GRIA4: variants seen among roughly 807,000 people sequenced by gnomAD.
The protein encoded by GRIA4 is glutamate ionotropic receptor AMPA type subunit 4, also known as glutamate receptor 4.
Under a neutral mutation model 104.0 loss-of-function variants are expected in GRIA4, and 34 were observed. The observed-to-expected ratio is 0.33, with a 90% CI of 0.25 to 0.44. The LOEUF is 0.44. Among genes scored for constraint, GRIA4 ranks in the 20% least tolerant of loss-of-function variants. The pLI is 1.00. For missense variants in GRIA4, 750 were observed against 1,096.5 expected (o/e 0.68, Z 4.46); for synonymous variants, 386 against 381.9 (o/e 1.01, Z -0.13).
At chr11:105,836,116 T>C (rs933291282) in intron 4 of GRIA4, among the ~76,000 whole-genome samples, 2 of 152,072 alleles carry the variant, frequency 1.3e-5, no homozygotes, top group African/African-American at 2.4e-5. Flanking sequence ...CTGGTAGAAA[T>C]AGGCTCTTAG....
At chr11:105,786,072 G>T (rs1310799360) in intron 4 of GRIA4, among the ~76,000 whole-genome samples, 1 of 150,652 alleles carries the variant, frequency 6.6e-6, no homozygotes, top group East Asian at 2.0e-4. Flanking sequence ...TTGACCCCGG[G>T]AGGTGGAGGT....
At chr11:105,629,901 A>G (rs891740785) in intron 3 of GRIA4, among the ~76,000 whole-genome samples, 1 of 152,216 alleles carries the variant, frequency 6.6e-6, no homozygotes, top group Non-Finnish European at 1.5e-5. Context: ...TCATCATTAC[A>G]TTTGCTTACT....
chr11:105,876,378 A>G (rs1342787924), intron 5 of GRIA4, among the ~76,000 whole-genome samples: 1 of 152,148 alleles, frequency 6.6e-6, no homozygotes, highest in African/African-American at 2.4e-5. Flanking sequence ...TGCTGAGAAG[A>G]ATGTATATTC....
chr11:105,724,845 C>T (rs1307209358), intron 3 of GRIA4, among the ~76,000 whole-genome samples: 1 of 152,040 alleles, frequency 6.6e-6, no homozygotes, highest in Non-Finnish European at 1.5e-5. Context: ...ATATTTTTCT[C>T]TTCTGGGTTG....
intron 14 of GRIA4, among the ~76,000 whole-genome samples, chr11:105,955,051 G>A (rs535956179): frequency 6.6e-6 from 1 of 151,672 alleles, no homozygotes; most frequent in South Asian, 2.1e-4. Context: ...TTGCTCTAAG[G>A]GGAATTATTT....
At chr11:105,978,555 T>A (rs1345815391) in intron 16 of GRIA4, among the ~76,000 whole-genome samples, 1 of 152,140 alleles carries the variant, frequency 6.6e-6, no homozygotes, top group African/African-American at 2.4e-5. Context: ...ATTTCATTAC[T>A]TAATATATAA....
chr11:105,810,616 A>G (rs531922572), intron 4 of GRIA4, among the ~76,000 whole-genome samples: 1 of 152,318 alleles, frequency 6.6e-6, no homozygotes, highest in East Asian at 1.9e-4. Flanking sequence ...ATGATGGGTT[A>G]GGGGGAAAAG....
intron 4 of GRIA4, among the ~76,000 whole-genome samples, chr11:105,820,703 TG>T (rs780166240): frequency 1.3e-5 from 2 of 152,146 alleles, no homozygotes; most frequent in African/African-American, 2.4e-5. Flanking sequence ...CTCTAATTTT[TG>T]TTTGTAGGTG....
intron 3 of GRIA4, among the ~76,000 whole-genome samples, chr11:105,680,686 G>A (rs1952681359): frequency 6.6e-6 from 1 of 152,100 alleles, no homozygotes; most frequent in South Asian, 2.1e-4. Context: ...AGGTTAAGAA[G>A]TGACTCAATT....
intron 7 of GRIA4, among the ~76,000 whole-genome samples, chr11:105,901,050 T>C (rs1183220980): frequency 6.6e-6 from 1 of 152,150 alleles, no homozygotes; most frequent in Non-Finnish European, 1.5e-5. Flanking sequence ...TTTCATATAA[T>C]TATTTGCACA....
intron 5 of GRIA4, among the ~76,000 whole-genome samples, chr11:105,874,297 C>CCATGCTGT (rs1945734142): frequency 6.6e-6 from 1 of 152,112 alleles, no homozygotes; most frequent in Non-Finnish European, 1.5e-5. Flanking sequence ...GGTACCAGTA[C>CCATGCTGT]CATGCTGTTT....
intron 3 of GRIA4, among the ~76,000 whole-genome samples, chr11:105,630,638 T>C (rs548638025): frequency 6.6e-6 from 1 of 152,262 alleles, no homozygotes; most frequent in South Asian, 2.1e-4. Flanking sequence ...TTTATGGTTA[T>C]ATATTAGTGT....
At chr11:105,621,459 A>G (rs1243705104) in intron 3 of GRIA4, among the ~76,000 whole-genome samples, 2 of 151,602 alleles carry the variant, frequency 1.3e-5, no homozygotes, top group African/African-American at 4.8e-5. Context: ...CTAGAAATAA[A>G]AGTATTTAAT....
At chr11:105,806,870 T>G (rs1389825190) in intron 4 of GRIA4, among the ~76,000 whole-genome samples, 1 of 151,220 alleles carries the variant, frequency 6.6e-6, no homozygotes, top group African/African-American at 2.4e-5. Context: ...TCTTGAAAAT[T>G]AAAAAAAGAT....
chr11:105,956,973 A>G (rs1948606397), intron 14 of GRIA4, among the ~76,000 whole-genome samples: 5 of 151,784 alleles, frequency 3.3e-5, no homozygotes, highest in Admixed American at 2.0e-4. Context: ...TTTTTCTTGT[A>G]AATTTGTTTA....
intron 3 of GRIA4, among the ~76,000 whole-genome samples, chr11:105,703,447 A>G (rs190627498): frequency 1.5e-4 from 23 of 152,182 alleles, no homozygotes; most frequent in Non-Finnish European, 3.1e-4. Flanking sequence ...TGTAGCCATA[A>G]AAACGATAGA....
At chr11:105,977,495 A>G (rs889410762) in intron 16 of GRIA4, among the ~76,000 whole-genome samples, 2 of 152,096 alleles carry the variant, frequency 1.3e-5, no homozygotes, top group South Asian at 4.1e-4. Context: ...AACTTCCTAA[A>G]TCTGCTCCCA....
chr11:105,975,652 T>A (rs1166015906), intron 16 of GRIA4, among the ~76,000 whole-genome samples: 1 of 152,000 alleles, frequency 6.6e-6, no homozygotes, highest in Non-Finnish European at 1.5e-5. Flanking sequence ...GATAAGTGAG[T>A]CTTTGAACTT....
At chr11:105,629,075 C>A (rs1565414878) in intron 3 of GRIA4, among the ~76,000 whole-genome samples, 1 of 38,846 alleles carries the variant, frequency 2.6e-5, no homozygotes, top group African/African-American at 6.6e-5. Context: ...ACCACTTCTC[C>A]ACCAAAAAAA....
Sources: gnomAD v4.1 joint callset for allele counts (sites outside exome capture counted in the v4.1 genomes callset) on GRCh38, gnomAD v4.1.1 for gene constraint, MANE v1.5 for transcripts, NCBI Gene and HGNC (gene_info 2026-07-23, HGNC 2026-07-21) for gene names.